Variants in BTBD7 observed in about 807,000 individuals in gnomAD.
BTBD7 encodes BTB domain containing 7.
BTBD7 carries 38 observed loss-of-function variants against 99.9 expected under a neutral mutation model. The ratio of observed to expected loss-of-function variants is 0.38; its 90% CI spans 0.29 to 0.50. The LOEUF (loss-of-function observed/expected upper bound fraction) is 0.50, where lower values mean the gene tolerates loss of function less well. BTBD7 is among the 20% of genes least tolerant of loss of function. BTBD7 has a pLI of 0.93. For synonymous variants in BTBD7, 520 were observed against 511.4 expected (o/e 1.02, Z -0.23); for missense variants, 1,170 against 1,394.6 (o/e 0.84, Z 2.57).
intron 3 of BTBD7, among the ~76,000 whole-genome samples, chr14:93,267,010 G>C (rs2052550189): frequency 6.6e-6 from 1 of 152,148 alleles, no homozygotes; most frequent in Non-Finnish European, 1.5e-5. Flanking sequence ...GACCTCTGTT[G>C]GCCTGTTGTT....
At chr14:93,321,685 C>T (rs1396520086) in intron 1 of BTBD7, among the ~76,000 whole-genome samples, 4 of 152,026 alleles carry the variant, frequency 2.6e-5, no homozygotes, top group Admixed American at 6.6e-5. Context: ...AAATCAGTGG[C>T]GATAAAGACT....
intron 3 of BTBD7, among the ~76,000 whole-genome samples, chr14:93,270,227 C>CT (rs2052586696): frequency 6.6e-6 from 1 of 152,136 alleles, no homozygotes; most frequent in East Asian, 1.9e-4. Context: ...TCCTGAGTAG[C>CT]TGGGATTACA....
At chr14:93,275,654 G>T (rs2139729525) in intron 3 of BTBD7, among the ~76,000 whole-genome samples, 1 of 152,246 alleles carries the variant, frequency 6.6e-6, no homozygotes, top group Non-Finnish European at 1.5e-5. Flanking sequence ...CACACCTAGG[G>T]TACACAGTAT....
rs1189238944 is a variant in BTBD7, at chr14:93,238,346, G to A, written c.*3927C>T. 1 of 152,494 alleles carries A rather than the reference G, an allele frequency of 6.6e-6. No homozygotes were observed. Among genetic ancestry groups the A allele is most frequent in the Non-Finnish European group, 1.5e-5 (1 of 68,036 alleles). 9.4% of individuals were successfully genotyped at this position (152,494 alleles called of 1,614,324 possible). On this transcript the variant is annotated 3_prime_UTR_variant, in exon 11 of 11. Coordinates refer to ENST00000334746, the MANE Select transcript of BTBD7 (RefSeq NM_001002860.4). ...AAAAGACAACATGTCACCAAATATT[G>A]TTCATACAACAGCGTTAATGGAAAA...
intron 1 of BTBD7, among the ~76,000 whole-genome samples, chr14:93,310,650 A>C (rs1457005740): frequency 6.6e-6 from 1 of 152,124 alleles, no homozygotes; most frequent in Non-Finnish European, 1.5e-5. Context: ...GGGCTGAGGC[A>C]CAAGAATTGC....
chr14:93,306,769 C>T (rs1389465596), intron 1 of BTBD7, among the ~76,000 whole-genome samples: 2 of 152,170 alleles, frequency 1.3e-5, no homozygotes, highest in Non-Finnish European at 2.9e-5. Context: ...TCTAACCTCT[C>T]TTGAGATCTG....
At position 93,242,916 on chromosome 14, in the gene BTBD7, T is replaced by C. The variant is rs367623164; in HGVS notation, c.2756A>G (p.His919Arg). 1.9e-6 allele frequency: 3 copies of C among 1,614,170 alleles called. No homozygotes were observed. Among genetic ancestry groups the C allele is most frequent in the Admixed American group, 1.7e-5 (1 of 60,030 alleles). Residue 919 changes from histidine to arginine, a missense_variant, in exon 11 of 11, where the codon CAT (histidine) becomes CGT (arginine). Around this residue, in one of 4 missense-constraint regions of BTBD7, gnomAD observed 495 missense variants for 525.9 expected, o/e 0.94. Transcript: ENST00000334746. ...PQHLSCIPQR[H>R]THTSRKKHTL... ...GTGTTTTTTCCGAGAAGTGTGTGTA[T>C]GTCTCTGTGGAATACACGACAGATG...
intron 9 of BTBD7, among the ~76,000 whole-genome samples, chr14:93,246,942 G>C (rs2052318561): frequency 6.6e-6 from 1 of 152,032 alleles, no homozygotes; most frequent in South Asian, 2.1e-4. Context: ...TAGAAAATTA[G>C]GACAGCAGGG....
chr14:93,247,933 A>C (rs2139679779), intron 9 of BTBD7, among the ~76,000 whole-genome samples: 1 of 152,354 alleles, frequency 6.6e-6, no homozygotes, highest in South Asian at 2.1e-4. Flanking sequence ...AATTTCTTAT[A>C]AGATGGAAAA....
At chr14:93,258,484 A>G (rs1168702192) in intron 5 of BTBD7, among the ~76,000 whole-genome samples, 2 of 152,150 alleles carry the variant, frequency 1.3e-5, no homozygotes, top group South Asian at 2.1e-4. Flanking sequence ...CCTGTATAAA[A>G]CTGACTGAAA....
Position 93,282,335 on chromosome 14 carries a change from C to T in BTBD7, c.1162+11523G>A, listed in dbSNP as rs1011322092. ...TAGGAGATAAGAGCAATGCTTTTTT[C>T]TTTTTTTTTTTTTTTGAGACAGTTT... is the stretch of plus-strand genomic sequence containing the variant. On this transcript the variant is annotated intron_variant, in intron 3 of 10. Transcript: ENST00000334746. Among the ~76,000 whole-genome samples the T allele has an allele frequency of 1.4e-3, 201 of 139,960 alleles. 2 individuals are homozygous for T. The highest frequency in any genetic ancestry group is 3.7e-3 in the Middle Eastern group (1 of 270). 91.8% of individuals were successfully genotyped at this position (139,960 alleles called of 152,430 possible). A position where few individuals can be genotyped will look rare whatever the true frequency, so the allele number is the denominator to read the frequency against.
intron 6 of BTBD7, among the ~76,000 whole-genome samples, chr14:93,255,010 A>G (rs1360262626): frequency 6.6e-6 from 1 of 152,234 alleles, no homozygotes; most frequent in Non-Finnish European, 1.5e-5. Flanking sequence ...CTCATTAAAT[A>G]TAATCAACAG....
chr14:93,308,795 A>G (rs969675085), intron 1 of BTBD7, among the ~76,000 whole-genome samples: 1 of 152,240 alleles, frequency 6.6e-6, no homozygotes, highest in Non-Finnish European at 1.5e-5. Context: ...ACTTAGAGTA[A>G]TCAAATTCAT....
chr14:93,288,513 G>GA (rs1374853349), intron 3 of BTBD7: 7 of 772,070 alleles, frequency 9.1e-6, no homozygotes, highest in South Asian at 5.4e-5. Flanking sequence ...TGATTCTACT[G>GA]AAGTTTTCTT....
chr14:93,247,720 A>G (rs918129230), intron 9 of BTBD7, among the ~76,000 whole-genome samples: 3 of 152,242 alleles, frequency 2.0e-5, no homozygotes, highest in Non-Finnish European at 4.4e-5. Flanking sequence ...ACCTAACCAG[A>G]TGAAATTAAA....
At chr14:93,254,796 C>T (rs1428065614) in intron 6 of BTBD7, among the ~76,000 whole-genome samples, 1 of 152,182 alleles carries the variant, frequency 6.6e-6, no homozygotes, top group Admixed American at 6.5e-5. Flanking sequence ...GTGCTTAGCA[C>T]ATACTAAGAG....
chr14:93,294,809 T>C lies in BTBD7; in HGVS notation c.211A>G (p.Ile71Val), dbSNP rs368443170. Residue 71 changes from isoleucine (I) to valine (V), a missense_variant, in exon 3 of 11, where the codon ATT becomes GTT. Transcript: ENST00000334746. ...SGLATLKKKF[I>V]KRRKSNRSAD... is the part of the protein sequence containing the mutation. ...GACCTATTAGATTTCCGACGCTTAA[T>C]AAACTTCTTTTTGAGGGTGGCAAGA... 6.2e-7 allele frequency: 1 copy of C among 1,614,080 alleles called. No individual in the cohort carries two copies. Among genetic ancestry groups the C allele is most frequent in the Non-Finnish European group, 8.5e-7 (1 of 1,180,016 alleles).
chr14:93,274,971 G>C (rs2052639554), intron 3 of BTBD7, among the ~76,000 whole-genome samples: 1 of 152,116 alleles, frequency 6.6e-6, no homozygotes, highest in Non-Finnish European at 1.5e-5. Context: ...AAATAATACA[G>C]CTCTTGATTT....
intron 3 of BTBD7, among the ~76,000 whole-genome samples, chr14:93,290,651 G>A (rs942086813): frequency 6.6e-6 from 1 of 151,672 alleles, no homozygotes; most frequent in African/African-American, 2.4e-5. Flanking sequence ...CTGGGTAGCT[G>A]GGATTACAGG....
Sources: allele counts gnomAD v4.1 joint callset (sites outside exome capture counted in the v4.1 genomes callset), GRCh38; gene constraint gnomAD v4.1.1; regional missense constraint gnomAD v4.1.1; transcripts MANE v1.5; gene names NCBI Gene and HGNC (gene_info 2026-07-23, HGNC 2026-07-21).